The following KIAA0319 variants were observed in gnomAD, a reference collection of about 807,000 sequenced individuals.
KIAA0319 encodes dyslexia-associated protein KIAA0319.
In KIAA0319, 83 loss-of-function variants were observed where a neutral mutation model predicts 108.4. The observed-to-expected ratio is 0.77, with a 90% CI of 0.64 to 0.92. The LOEUF is 0.92. Among genes scored for constraint, KIAA0319 ranks in the 40% least tolerant of loss-of-function variants. The pLI is 0.00. For missense variants in KIAA0319, 1,195 were observed against 1,322.4 expected, an observed-to-expected ratio of 0.90 and a Z score of 1.49; for synonymous variants, 484 against 510.4, an observed-to-expected ratio of 0.95 and a Z score of 0.70.
chr6:24,624,173 C>T (rs530174074), intron 1 of KIAA0319, among the ~76,000 whole-genome samples: 1 of 147,870 alleles, frequency 6.8e-6, no homozygotes, highest in South Asian at 2.1e-4. Context: ...AACAGGTGTA[C>T]ACCACCACAC....
chr6:24,542,531 G>A (rs1332102352), downstream of KIAA0319, among the ~76,000 whole-genome samples: 1 of 152,096 alleles, frequency 6.6e-6, no homozygotes, highest in Non-Finnish European at 1.5e-5. Context: ...GAATTTTTGA[G>A]ACCAGCCTGG....
At chr6:24,565,671 C>T (rs565980549) in intron 14 of KIAA0319, among the ~76,000 whole-genome samples, 2 of 145,802 alleles carry the variant, frequency 1.4e-5, no homozygotes, top group South Asian at 2.1e-4. Flanking sequence ...GAGAATAGCT[C>T]GAACTCGGGC....
intron 19 of KIAA0319, among the ~76,000 whole-genome samples, chr6:24,552,244 C>G (rs919022738): frequency 6.6e-6 from 1 of 152,188 alleles, no homozygotes; most frequent in Non-Finnish European, 1.5e-5. Flanking sequence ...GACTTTTGTG[C>G]CTCCATGTCC....
chr6:24,573,067 G>A (rs1764957412), intron 10 of KIAA0319, among the ~76,000 whole-genome samples: 1 of 152,086 alleles, frequency 6.6e-6, no homozygotes, highest in African/African-American at 2.4e-5. Flanking sequence ...GGTTGCAGTG[G>A]GCTGAGACTG....
intron 1 of KIAA0319, among the ~76,000 whole-genome samples, chr6:24,626,843 C>T (rs114236008): frequency 0.017 from 2,640 of 152,206 alleles, 28 homozygotes; most frequent in South Asian, 0.035. Context: ...TTTTGGTAAA[C>T]TGTGCAGAAT....
chr6:24,550,540 C>T (rs1761322836), intron 20 of KIAA0319, among the ~76,000 whole-genome samples: 1 of 152,216 alleles, frequency 6.6e-6, no homozygotes. Flanking sequence ...GCAACAGGTG[C>T]TCCTAAGCAT....
chr6:24,641,019 T>C (rs1776847281), intron 1 of KIAA0319, among the ~76,000 whole-genome samples: 1 of 152,146 alleles, frequency 6.6e-6, no homozygotes, highest in African/African-American at 2.4e-5. Flanking sequence ...TCCACAACTT[T>C]TTCATCATCT....
chr6:24,591,494 A>G (rs1768457236), intron 3 of KIAA0319, among the ~76,000 whole-genome samples: 1 of 152,140 alleles, frequency 6.6e-6, no homozygotes, highest in Non-Finnish European at 1.5e-5. Flanking sequence ...CCAGCTACTC[A>G]AGAGGCTGAG....
chr6:24,579,362 G>C (rs1305045694), intron 8 of KIAA0319, among the ~76,000 whole-genome samples: 1 of 148,538 alleles, frequency 6.7e-6, no homozygotes, highest in African/African-American at 2.5e-5. Context: ...CCCATCTGGT[G>C]GGGGGCACCT....
chr6:24,551,241 TA>T (rs1761446373), intron 20 of KIAA0319, among the ~76,000 whole-genome samples, 192 bp downstream of exon 20: 1 of 151,964 alleles, frequency 6.6e-6, no homozygotes, highest in Non-Finnish European at 1.5e-5. Flanking sequence ...GCCTAAGTGC[TA>T]GGATTACAGG....
intron 8 of KIAA0319, 94 bp from the exon 9 acceptor site, chr6:24,578,336 A>G: frequency 1.1e-6 from 1 of 904,372 alleles, no homozygotes; most frequent in Non-Finnish European, 1.6e-6. Context: ...ATTCATTTTT[A>G]TAAGAAATTA....
At chr6:24,609,435 G>C (rs906331950) in intron 1 of KIAA0319, among the ~76,000 whole-genome samples, 1 of 151,724 alleles carries the variant, frequency 6.6e-6, no homozygotes, top group African/African-American at 2.4e-5. Flanking sequence ...AAATTAGCCA[G>C]GCATGGTGGC....
chr6:24,610,314 T>C (rs1772109070), intron 1 of KIAA0319, among the ~76,000 whole-genome samples: 1 of 152,158 alleles, frequency 6.6e-6, no homozygotes, highest in Non-Finnish European at 1.5e-5. Context: ...CATAAATTGC[T>C]AATAAGCTCA....
intron 1 of KIAA0319, among the ~76,000 whole-genome samples, chr6:24,645,075 T>G (rs1777444606): frequency 1.3e-5 from 2 of 152,196 alleles, no homozygotes; most frequent in Admixed American, 6.5e-5. Flanking sequence ...ATACCAACAT[T>G]TACTTCCAAA....
rs560526578 is a variant in KIAA0319 at position 24,580,919 on chromosome 6, G to A, written c.1279+7C>T. 33 of 1,594,988 alleles carry A rather than the reference G, an allele frequency of 2.1e-5. No individual in the cohort carries two copies. The highest frequency in any genetic ancestry group is 8.8e-5 in the South Asian group (8 of 90,592). ...CAACAGGAGGTCATTCTCTTACACCGGCTTACCAGGCTTAACAGTGACATT... is the reference window on the plus strand; with the variant it reads ...CAACAGGAGGTCATTCTCTTACACCAGCTTACCAGGCTTAACAGTGACATT... On this transcript the variant is annotated splice_region_variant and intron_variant, in intron 7 of 20. Coordinates refer to ENST00000378214, the MANE Select transcript of KIAA0319 (RefSeq NM_014809.4).
chr6:24,580,301 T>C lies in KIAA0319; in HGVS notation c.1280-351A>G, dbSNP rs1582044163. 4.6e-5 allele frequency among the ~76,000 whole-genome samples: 7 copies of C among 151,880 alleles called. 1 individual carries two copies. ...ATTGAGTGGATCTTATATCTCTAAC[T>C]GAAGGCAACTCCCCCCCCCACCCCC... On this transcript the variant is annotated intron_variant, in intron 7 of 20. Transcript: ENST00000378214.
intron 8 of KIAA0319, among the ~76,000 whole-genome samples, chr6:24,579,412 G>GATAGATATAT (rs1554157110): frequency 1.6e-5 from 2 of 127,244 alleles, no homozygotes; most frequent in South Asian, 2.4e-4. Context: ...TCTATATAAA[G>GATAGATATAT]ATATATATAT....
intron 15 of KIAA0319, 40 bp from the exon 16 acceptor site, chr6:24,563,558 T>C (rs938071064): frequency 6.4e-7 from 1 of 1,570,256 alleles, no homozygotes; most frequent in Non-Finnish European, 8.6e-7. Context: ...CTTGGACATT[T>C]GCACAGGCTT....
chr6:24,617,877 C>T (rs953248733), intron 1 of KIAA0319, among the ~76,000 whole-genome samples: 8 of 152,106 alleles, frequency 5.3e-5, no homozygotes, highest in African/African-American at 7.2e-5. Context: ...ATCTCAGCTA[C>T]TTGGATGGCT....
Sources: allele counts gnomAD v4.1 joint callset (sites outside exome capture counted in the v4.1 genomes callset), GRCh38; gene constraint gnomAD v4.1.1; transcripts MANE v1.5; gene names NCBI Gene and HGNC (gene_info 2026-07-23, HGNC 2026-07-21).